The following PAK5 variants were observed in gnomAD, a reference collection of about 807,000 sequenced individuals.
PAK5 encodes the protein serine/threonine-protein kinase PAK 5.
A neutral mutation model predicts 65.9 loss-of-function variants in PAK5; 16 were observed. The observed-to-expected ratio is 0.24, with a 90% CI of 0.16 to 0.37. PAK5 has a LOEUF of 0.37. Among genes scored for constraint, PAK5 ranks in the 10% least tolerant of loss-of-function variants. The pLI is 1.00. For synonymous variants in PAK5, 371 were observed against 354.9 expected (o/e 1.05, Z -0.51); for missense variants, 785 against 903.9 (o/e 0.87, Z 1.69).
intron 1 of PAK5, among the ~76,000 whole-genome samples, chr20:9,772,766 A>G (rs1399271433): frequency 6.6e-6 from 1 of 152,246 alleles, no homozygotes; most frequent in Non-Finnish European, 1.5e-5. Context: ...GTCCTCCAGC[A>G]GAGACTTTCC....
intron 1 of PAK5, among the ~76,000 whole-genome samples, chr20:9,799,399 G>C (rs2049142091): frequency 6.6e-6 from 1 of 152,048 alleles, no homozygotes; most frequent in Non-Finnish European, 1.5e-5. Context: ...TACATGAAAA[G>C]GATAGAGCTA....
chr20:9,642,686 G>C (rs986928970), intron 3 of PAK5, among the ~76,000 whole-genome samples: 5 of 152,106 alleles, frequency 3.3e-5, no homozygotes, highest in Admixed American at 6.6e-5. Flanking sequence ...TTCAATAGTA[G>C]GATATTTCCA....
At chr20:9,678,343 G>A (rs966251208) in intron 2 of PAK5, among the ~76,000 whole-genome samples, 2 of 152,214 alleles carry the variant, frequency 1.3e-5, no homozygotes, top group African/African-American at 4.8e-5. Context: ...CGAGGCAGGT[G>A]GATCATGAGG....
intron 1 of PAK5, among the ~76,000 whole-genome samples, chr20:9,723,023 T>G (rs1310892890): frequency 6.6e-6 from 1 of 152,256 alleles, no homozygotes; most frequent in East Asian, 1.9e-4. Context: ...TGAGCCACCG[T>G]GCCTGGTGTC....
chr20:9,637,719 A>G (rs920105519), intron 3 of PAK5, among the ~76,000 whole-genome samples: 2 of 152,234 alleles, frequency 1.3e-5, no homozygotes, highest in Non-Finnish European at 2.9e-5. Context: ...TAGAGATTAT[A>G]TACATTATGA....
chr20:9,560,676 T>C (rs2045577767), intron 6 of PAK5, among the ~76,000 whole-genome samples: 1 of 152,230 alleles, frequency 6.6e-6, no homozygotes, highest in Non-Finnish European at 1.5e-5. Flanking sequence ...ATATTTTTCC[T>C]GTTTGAATTG....
rs1236541476 is a variant in PAK5, at chr20:9,666,572, G to GATAC, written c.-11-22237_-11-22234dup. On this transcript the variant is annotated intron_variant, in intron 2 of 9. Transcript: ENST00000353224. ...TATGACATTAGATTGCCTGATCAATGATACCCATTTCCTTGTTCTCCAAGT... is the reference window on the plus strand; with the variant it reads ...TATGACATTAGATTGCCTGATCAATGATACATACCCATTTCCTTGTTCTCCAAGT... Among the ~76,000 whole-genome samples, 7 of 152,092 alleles carry GATAC rather than the reference G, an allele frequency of 4.6e-5. No individual in the cohort carries two copies. In the South Asian group the frequency reaches 8.3e-4, roughly 18 times the overall value.
intron 1 of PAK5, among the ~76,000 whole-genome samples, chr20:9,739,002 C>A (rs1302597397): frequency 5.9e-5 from 9 of 152,068 alleles, no homozygotes; most frequent in Admixed American, 5.9e-4. Flanking sequence ...GCTGAAAGTT[C>A]TTCTAGACAC....
chr20:9,757,391 T>C (rs753850326), intron 1 of PAK5, among the ~76,000 whole-genome samples: 5 of 152,138 alleles, frequency 3.3e-5, no homozygotes, highest in Admixed American at 1.3e-4. Context: ...AAATAAAATA[T>C]GATGAATATA....
intron 1 of PAK5, among the ~76,000 whole-genome samples, chr20:9,795,252 T>C (rs547043726): frequency 5.2e-4 from 79 of 152,242 alleles, no homozygotes; most frequent in South Asian, 2.1e-3. Flanking sequence ...CTATATGTGC[T>C]ACACATATTT....
intron 1 of PAK5, among the ~76,000 whole-genome samples, chr20:9,724,061 A>G (rs1273968951): frequency 2.0e-5 from 3 of 152,178 alleles, no homozygotes; most frequent in Non-Finnish European, 2.9e-5. Context: ...TTGCTTGCGC[A>G]TTACAAATGT....
intron 2 of PAK5, among the ~76,000 whole-genome samples, chr20:9,688,529 G>T (rs1354810412): frequency 6.6e-6 from 1 of 151,910 alleles, no homozygotes; most frequent in Non-Finnish European, 1.5e-5. Context: ...CCTGCTTGGG[G>T]CTTCTTTCCT....
Position 9,539,246 on chromosome 20 carries a change from C to T in PAK5, c.*216G>A, listed in dbSNP as rs911500953. 1.8e-5 allele frequency: 9 copies of T among 502,958 alleles called. No individual in the cohort carries two copies. Among genetic ancestry groups the T allele is most frequent in the South Asian group, 3.3e-5 (1 of 30,670 alleles). The allele number at this position is 502,958 out of a possible 1,614,324, so 31.2% of individuals were successfully genotyped here. ...AAATATAATAATGACTTATTAAAGC[C>T]GTGCTCCAAGTGACCACACCGGCTG... On this transcript the variant is annotated 3_prime_UTR_variant, in exon 10 of 10. Coordinates refer to ENST00000353224, the MANE Select transcript of PAK5 (RefSeq NM_177990.4).
chr20:9,572,845 C>T (rs533183203), intron 4 of PAK5, among the ~76,000 whole-genome samples: 6 of 152,210 alleles, frequency 3.9e-5, no homozygotes, highest in Admixed American at 6.5e-5. Flanking sequence ...ATTTTGTGAA[C>T]GAGTAACTCC....
At chr20:9,727,915 A>G (rs1025172108) in intron 1 of PAK5, among the ~76,000 whole-genome samples, 4 of 152,060 alleles carry the variant, frequency 2.6e-5, no homozygotes, top group Non-Finnish European at 5.9e-5. Context: ...TCCCTGCCCC[A>G]GCCATGGACT....
rs1555898775 is a variant in PAK5 at position 9,578,869 on chromosome 20, TA to T, written c.990+1275del. Among the ~76,000 whole-genome samples the T allele has an allele frequency of 2.2e-3, 314 of 144,988 alleles. 5 individuals carry two copies. The East Asian group carries it at 0.034, about 16-fold the overall frequency. ...GTTCAAGTACATTAATACCACGAGA[TA>T]AAAAAAAAACACTGTCACTATGTGA... On this transcript the variant is annotated intron_variant, in intron 4 of 9. Transcript: ENST00000353224.
chr20:9,615,958 G>A (rs2046648812), intron 3 of PAK5, among the ~76,000 whole-genome samples: 1 of 152,148 alleles, frequency 6.6e-6, no homozygotes, highest in South Asian at 2.1e-4. Context: ...AAGAAAACCG[G>A]TGAAAGCTAC....
At chr20:9,780,604 A>G (rs2048931077) in intron 1 of PAK5, among the ~76,000 whole-genome samples, 2 of 152,030 alleles carry the variant, frequency 1.3e-5, no homozygotes. Context: ...TAAGATTTCT[A>G]TACTCATAGA....
chr20:9,683,525 T>G (rs2047677740), intron 2 of PAK5, among the ~76,000 whole-genome samples: 1 of 152,222 alleles, frequency 6.6e-6, no homozygotes, highest in Non-Finnish European at 1.5e-5. Flanking sequence ...TTCTTCCTCC[T>G]TGTTGTCTTC....
Sources: gnomAD v4.1 joint callset for allele counts (sites outside exome capture counted in the v4.1 genomes callset) on GRCh38, gnomAD v4.1.1 for gene constraint, MANE v1.5 for transcripts, NCBI Gene and HGNC (gene_info 2026-07-23, HGNC 2026-07-21) for gene names.